BCAT1: variants seen among roughly 807,000 people sequenced by gnomAD.
BCAT1 encodes branched chain amino acid transaminase 1.
BCAT1 carries 48 observed loss-of-function variants against 52.4 expected under a neutral mutation model. The observed-to-expected ratio is 0.92, with a 90% confidence interval of 0.73 to 1.16. The LOEUF (loss-of-function observed/expected upper bound fraction) is 1.16. BCAT1 is among the 50% of genes most tolerant of loss of function. BCAT1 has a pLI of 0.00. For synonymous variants in BCAT1, 167 were observed against 161.3 expected, an observed-to-expected ratio of 1.04 and a Z score of -0.27; for missense variants, 451 against 457.1, an observed-to-expected ratio of 0.99 and a Z score of 0.12.
rs1396350530 is a variant in BCAT1, at chr12:24,948,958, C to G, written c.-26G>C. 6.3e-7 allele frequency: 1 copy of G among 1,589,652 alleles called. No individual in the cohort carries two copies. The highest frequency in any genetic ancestry group is 8.6e-7 in the Non-Finnish European group (1 of 1,167,834). On this transcript the variant is annotated 5_prime_UTR_variant, in exon 1 of 11. Coordinates refer to ENST00000261192, the MANE Select transcript of BCAT1 (RefSeq NM_005504.7). ...TGTTCCGTCGGCCACGAGGGAAGCT[C>G]GAGCTGAGCGGAGGGCAGATCCCAA...
At chr12:24,914,894 G>A (rs574196476) in intron 1 of BCAT1, among the ~76,000 whole-genome samples, 1 of 152,260 alleles carries the variant, frequency 6.6e-6, no homozygotes, top group South Asian at 2.1e-4. Context: ...AGCCCAAATT[G>A]TAGGCAAATA....
intron 5 of BCAT1, among the ~76,000 whole-genome samples, chr12:24,863,053 A>C (rs1456741492): frequency 6.6e-6 from 1 of 152,224 alleles, no homozygotes; most frequent in Non-Finnish European, 1.5e-5. Flanking sequence ...GCCCTGTTCA[A>C]AGAAAAAAGA....
chr12:24,907,579 C>G (rs1467353008), intron 1 of BCAT1, among the ~76,000 whole-genome samples: 1 of 152,184 alleles, frequency 6.6e-6, no homozygotes, highest in Non-Finnish European at 1.5e-5. Context: ...GACTTTGTGA[C>G]AATACACCCT....
intron 3 of BCAT1, among the ~76,000 whole-genome samples, chr12:24,886,950 C>T (rs1302828231): frequency 6.8e-6 from 1 of 148,140 alleles, no homozygotes; most frequent in Non-Finnish European, 1.5e-5. Context: ...GTAATCTCAG[C>T]TACTTGGGAG....
Position 24,878,577 on chromosome 12 carries a change from A to T in BCAT1, c.463T>A (p.Ser155Thr). ...CGAATATACAGACTAGCAGATGTTGAATATGGGACCCATTCTTGATCCAAT... is the reference window on the plus strand; with the variant it reads ...CGAATATACAGACTAGCAGATGTTGTATATGGGACCCATTCTTGATCCAAT... ...VKLDQEWVPY[S>T]TSASLYIRPT... is the part of the protein sequence containing the mutation. The change falls in exon 5 of 11, where the codon TCA (serine) becomes ACA (threonine). Residue 155 changes from serine to threonine, a missense_variant. Coordinates refer to ENST00000261192, the MANE Select transcript of BCAT1 (RefSeq NM_005504.7). 3 of 1,611,998 alleles carry T rather than the reference A, an allele frequency of 1.9e-6. No individual in the cohort carries two copies. The highest frequency in any genetic ancestry group is 2.5e-6 in the Non-Finnish European group (3 of 1,178,354).
intron 9 of BCAT1, among the ~76,000 whole-genome samples, chr12:24,831,801 A>G (rs996191395): frequency 1.1e-4 from 17 of 152,268 alleles, no homozygotes; most frequent in African/African-American, 3.9e-4. Flanking sequence ...CCTTTAAGTT[A>G]TAAAGTTAGA....
chr12:24,880,189 C>A (rs1942452872), intron 4 of BCAT1, among the ~76,000 whole-genome samples: 1 of 152,164 alleles, frequency 6.6e-6, no homozygotes, highest in Non-Finnish European at 1.5e-5. Context: ...TGGCTCATGC[C>A]TGTAATCCCA....
intron 6 of BCAT1, among the ~76,000 whole-genome samples, chr12:24,845,336 A>G (rs923133862): frequency 6.6e-6 from 1 of 152,220 alleles, no homozygotes; most frequent in Non-Finnish European, 1.5e-5. Context: ...ACAGATAGGA[A>G]GCTATTAAAA....
At chr12:24,887,711 T>A (rs1324048038) in intron 3 of BCAT1, among the ~76,000 whole-genome samples, 1 of 152,230 alleles carries the variant, frequency 6.6e-6, no homozygotes, top group African/African-American at 2.4e-5. Context: ...ATCCATTTTT[T>A]AAAATTATGC....
chr12:24,899,250 C>T (rs12320158), intron 2 of BCAT1, among the ~76,000 whole-genome samples: 38,990 of 151,890 alleles, frequency 0.26, 5,386 homozygotes, highest in African/African-American at 0.36. Context: ...AGAAGAAATA[C>T]GAAAACTACC....
At chr12:24,862,666 A>G (rs1025446824) in intron 5 of BCAT1, among the ~76,000 whole-genome samples, 1 of 152,184 alleles carries the variant, frequency 6.6e-6, no homozygotes, top group Non-Finnish European at 1.5e-5. Flanking sequence ...CCTGTTGAAT[A>G]TATATACTTA....
At chr12:24,893,753 C>A (rs1303579255) in intron 3 of BCAT1, among the ~76,000 whole-genome samples, 5 of 152,122 alleles carry the variant, frequency 3.3e-5, no homozygotes, top group Non-Finnish European at 7.3e-5. Context: ...GTTAATTGTG[C>A]ACCCTGAAAA....
chr12:24,910,568 G>C (rs1157448553), intron 1 of BCAT1, among the ~76,000 whole-genome samples: 14 of 152,060 alleles, frequency 9.2e-5, no homozygotes, highest in Admixed American at 9.2e-4. Context: ...AGGGATAAAA[G>C]GGTGAGATAA....
chr12:24,901,728 G>T, intron 2 of BCAT1, 86 bp downstream of exon 2: 1 of 1,402,652 alleles, frequency 7.1e-7, no homozygotes, highest in Non-Finnish European at 9.9e-7. Context: ...AACCCACACA[G>T]TGAAAATTTC....
At chr12:24,871,250 A>C (rs1411845485) in intron 5 of BCAT1, among the ~76,000 whole-genome samples, 1 of 152,138 alleles carries the variant, frequency 6.6e-6, no homozygotes, top group East Asian at 1.9e-4. Flanking sequence ...ACTTTCAATA[A>C]TTCCTTGGGT....
In BCAT1 at chr12:24,813,891, T is replaced by G. The variant is rs1320419994; in HGVS notation, c.*4117A>C. On this transcript the variant is annotated 3_prime_UTR_variant, in exon 11 of 11. Transcript: ENST00000261192. Reference sequence around the variant, plus strand: ...TTCAAGTAGTAGAATACAAACTCCATGAGGGTAATGTCTATATGCCATTGA... The same window carrying G: ...TTCAAGTAGTAGAATACAAACTCCAGGAGGGTAATGTCTATATGCCATTGA... 1 of 152,088 alleles carries G rather than the reference T, an allele frequency of 6.6e-6. No individual in the cohort carries two copies. Among genetic ancestry groups the G allele is most frequent in the Non-Finnish European group, 1.5e-5 (1 of 67,932 alleles). The allele number at this position is 152,088 out of a possible 1,614,324, so 9.4% of individuals were successfully genotyped here.
chr12:24,879,119 C>T (rs961164716), intron 4 of BCAT1, among the ~76,000 whole-genome samples: 1 of 151,924 alleles, frequency 6.6e-6, no homozygotes, highest in Admixed American at 6.6e-5. Context: ...TCTCTGTGAC[C>T]TTAAGGTAGG....
At chr12:24,847,163 A>T (rs996345275) in intron 6 of BCAT1, among the ~76,000 whole-genome samples, 4 of 152,244 alleles carry the variant, frequency 2.6e-5, no homozygotes, top group African/African-American at 9.6e-5. Context: ...GCAGTTAAGT[A>T]ACATGCCCAA....
chr12:24,914,422 C>A (rs952983427), intron 1 of BCAT1, among the ~76,000 whole-genome samples: 1 of 152,104 alleles, frequency 6.6e-6, no homozygotes, highest in African/African-American at 2.4e-5. Flanking sequence ...GTCTTGCAGT[C>A]GTGAGAACAG....
Sources: allele counts gnomAD v4.1 joint callset (sites outside exome capture counted in the v4.1 genomes callset), GRCh38; gene constraint gnomAD v4.1.1; transcripts MANE v1.5; gene names NCBI Gene and HGNC (gene_info 2026-07-23, HGNC 2026-07-21).